PROS1: variants seen among roughly 807,000 people sequenced by gnomAD.
The protein encoded by PROS1 is vitamin K-dependent protein S.
PROS1 carries 29 observed loss-of-function variants against 75.9 expected under a neutral mutation model. The observed-to-expected ratio is 0.38, with a 90% CI of 0.28 to 0.52. The LOEUF is 0.52. Among genes scored for constraint, PROS1 ranks in the 20% least tolerant of loss-of-function variants. PROS1 has a pLI of 0.83. For synonymous variants in PROS1, 245 were observed against 280.6 expected (o/e 0.87, Z 1.27); for missense variants, 680 against 810.3 (o/e 0.84, Z 1.95).
intron 2 of PROS1, among the ~76,000 whole-genome samples, chr3:93,925,545 G>T (rs1223923876): frequency 6.6e-6 from 1 of 152,032 alleles, no homozygotes; most frequent in Admixed American, 6.6e-5. Flanking sequence ...AATGTTTGGT[G>T]GGGGTGGGGC....
At chr3:93,951,277 C>A (rs1383201242) in intron 1 of PROS1, among the ~76,000 whole-genome samples, 1 of 151,982 alleles carries the variant, frequency 6.6e-6, no homozygotes, top group African/African-American at 2.4e-5. Flanking sequence ...AAGAGCAACT[C>A]CAAGAAACAT....
chr3:93,938,363 G>T (rs113948896), intron 1 of PROS1, among the ~76,000 whole-genome samples: 9 of 152,124 alleles, frequency 5.9e-5, no homozygotes, highest in African/African-American at 2.2e-4. Context: ...GACTCAGCCC[G>T]CTGGCACCCA....
At chr3:93,962,072 T>A (rs1259391696) in intron 1 of PROS1, among the ~76,000 whole-genome samples, 2 of 152,024 alleles carry the variant, frequency 1.3e-5, no homozygotes, top group East Asian at 3.9e-4. Context: ...TACTGGCAGT[T>A]CTCCCTAGAT....
intron 1 of PROS1, among the ~76,000 whole-genome samples, chr3:93,932,697 GT>G (rs1418007462): frequency 6.6e-6 from 1 of 152,160 alleles, no homozygotes; most frequent in Non-Finnish European, 1.5e-5. Flanking sequence ...TGGGGGGTAA[GT>G]CTTTGTTTTT....
chr3:93,938,974 C>T (rs1576204879), intron 1 of PROS1, among the ~76,000 whole-genome samples: 1 of 152,138 alleles, frequency 6.6e-6, no homozygotes, highest in African/African-American at 2.4e-5. Context: ...TGTCTCTACC[C>T]TCTCTTTTCT....
rs183924471 is a variant in PROS1 at position 93,938,325 on chromosome 3, C to T, written c.77-10918G>A. 2.0e-3 allele frequency among the ~76,000 whole-genome samples: 311 copies of T among 152,296 alleles called. 2 individuals carry two copies. The highest frequency in any genetic ancestry group is 7.3e-3 in the African/African-American group (302 of 41,566). The stretch of plus-strand genomic sequence containing the variant: ...CAAATCCTATAAAACGGCCCCACCC[C>T]TATCTCCCTTTGCTGACTCTCTTTT... On this transcript the variant is annotated intron_variant, in intron 1 of 14. Coordinates refer to ENST00000394236, the MANE Select transcript of PROS1 (RefSeq NM_000313.4).
At chr3:93,927,993 G>GTGTGTATATA (rs1304225620) in intron 1 of PROS1, among the ~76,000 whole-genome samples, 1 of 25,612 alleles carries the variant, frequency 3.9e-5, no homozygotes, top group Non-Finnish European at 7.0e-5. Flanking sequence ...GTGTGTGTGT[G>GTGTGTATATA]TATATATATA....
intron 3 of PROS1, among the ~76,000 whole-genome samples, chr3:93,917,820 C>G (rs1359895809): frequency 6.6e-6 from 1 of 152,164 alleles, no homozygotes; most frequent in Non-Finnish European, 1.5e-5. Flanking sequence ...AGCTGCCTCC[C>G]TGCAGGGCAG....
At chr3:93,875,253 C>T (rs1054621372) in intron 14 of PROS1, among the ~76,000 whole-genome samples, 9 of 152,036 alleles carry the variant, frequency 5.9e-5, no homozygotes, top group Admixed American at 4.6e-4. Flanking sequence ...AAAGAAATTA[C>T]TCAAAATCAT....
chr3:93,910,217 C>T (rs1708739564), intron 4 of PROS1, among the ~76,000 whole-genome samples: 2 of 152,174 alleles, frequency 1.3e-5, no homozygotes, highest in South Asian at 2.1e-4. Flanking sequence ...ATTCACATAA[C>T]ATTTTCCATG....
chr3:93,957,640 T>C (rs1297503885), intron 1 of PROS1, among the ~76,000 whole-genome samples: 1 of 152,186 alleles, frequency 6.6e-6, no homozygotes, highest in Non-Finnish European at 1.5e-5. Flanking sequence ...TCACAATGTA[T>C]AAAAATATCA....
At chr3:93,923,157 A>C (rs1409942370) in intron 3 of PROS1, among the ~76,000 whole-genome samples, 1 of 152,248 alleles carries the variant, frequency 6.6e-6, no homozygotes, top group Non-Finnish European at 1.5e-5. Context: ...CCATGTTGCC[A>C]AATGAGATAG....
chr3:93,878,277 A>G (rs1190602335), intron 13 of PROS1, among the ~76,000 whole-genome samples: 1 of 152,202 alleles, frequency 6.6e-6, no homozygotes, highest in Non-Finnish European at 1.5e-5. Flanking sequence ...AAGGCAGGAG[A>G]TTAAAACAAA....
intron 14 of PROS1, among the ~76,000 whole-genome samples, chr3:93,875,498 T>C (rs1708169139): frequency 6.6e-6 from 1 of 152,188 alleles, no homozygotes; most frequent in Non-Finnish European, 1.5e-5. Context: ...AACTCTTTGT[T>C]GGTTTGATTT....
rs1709915121 is a variant in PROS1, at chr3:93,973,602, T to C, written c.76+72A>G. 32 of 1,518,220 alleles carry C rather than the reference T, an allele frequency of 2.1e-5. 2 individuals carry two copies. In the South Asian group the frequency reaches 3.6e-4, roughly 17 times the overall value. The allele number at this position is 1,518,220 out of a possible 1,614,324, so 94.0% of individuals were successfully genotyped here. A position where few individuals can be genotyped will look rare whatever the true frequency, so the allele number is the denominator to read the frequency against. The stretch of plus-strand genomic sequence containing the variant: ...GAGGCTGCAGCTCTAGAGAAGAAAA[T>C]CCTACCAACCAGGGCACGCAGTTCA... On this transcript the variant is annotated intron_variant, in intron 1 of 14. Transcript: ENST00000394236.
At chr3:93,960,918 C>A (rs1272971987) in intron 1 of PROS1, among the ~76,000 whole-genome samples, 4 of 136,624 alleles carry the variant, frequency 2.9e-5, no homozygotes, top group African/African-American at 8.2e-5. Context: ...ATAAAATAAC[C>A]AATAAAACAA....
Position 93,973,855 on chromosome 3 carries a change from G to C in PROS1, c.-106C>G. The C allele has an allele frequency of 3.3e-6, 3 of 920,454 alleles. No homozygotes were observed. The highest frequency in any genetic ancestry group is 4.4e-6 in the Non-Finnish European group (3 of 679,760). The allele number at this position is 920,454 out of a possible 1,614,324, so 57.0% of individuals were successfully genotyped here. On this transcript the variant is annotated 5_prime_UTR_variant, in exon 1 of 15. Coordinates refer to ENST00000394236, the MANE Select transcript of PROS1 (RefSeq NM_000313.4). The stretch of plus-strand genomic sequence containing the variant: ...GCCTGTGCGCCTCGGTCTGAGCCGT[G>C]CTGCGCGGCGGCGCCAGCGACCCAG...
At chr3:93,880,708 A>T (rs1708264534) in intron 12 of PROS1, among the ~76,000 whole-genome samples, 1 of 152,212 alleles carries the variant, frequency 6.6e-6, no homozygotes, top group Non-Finnish European at 1.5e-5. Context: ...ATTAAACTCA[A>T]ACTAAAATGA....
chr3:93,919,620 T>A (rs931013364), intron 3 of PROS1, among the ~76,000 whole-genome samples: 1 of 152,194 alleles, frequency 6.6e-6, no homozygotes, highest in African/African-American at 2.4e-5. Context: ...TATAATCCAA[T>A]TTATTATTTC....
Sources: allele counts gnomAD v4.1 joint callset (sites outside exome capture counted in the v4.1 genomes callset), GRCh38; gene constraint gnomAD v4.1.1; transcripts MANE v1.5; gene names NCBI Gene and HGNC (gene_info 2026-07-23, HGNC 2026-07-21).